Variants in TRIM24 observed in about 807,000 individuals in gnomAD.
The protein encoded by TRIM24 is transcription intermediary factor 1-alpha.
TRIM24 carries 29 observed loss-of-function variants against 123.9 expected under a neutral mutation model. The ratio of observed to expected loss-of-function variants is 0.23; its 90% CI spans 0.17 to 0.32. TRIM24 has a LOEUF of 0.32. TRIM24 is among the 10% of genes least tolerant of loss of function. TRIM24 has a pLI of 1.00. For synonymous variants in TRIM24, 456 were observed against 461.1 expected (o/e 0.99, Z 0.14); for missense variants, 932 against 1,295.3 (o/e 0.72, Z 4.31).
chr7:138,461,280 T>C, intron 1 of TRIM24: 1 of 559,382 alleles, frequency 1.8e-6, no homozygotes, highest in Non-Finnish European at 3.5e-6. Context: ...ACCCGCCCGC[T>C]GCCTCCACAA....
At chr7:138,487,539 G>T (rs1039480551) in intron 1 of TRIM24, among the ~76,000 whole-genome samples, 3 of 152,108 alleles carry the variant, frequency 2.0e-5, no homozygotes, top group Non-Finnish European at 2.9e-5. Context: ...AGTTTATTGA[G>T]AGTTTTTAGC....
chr7:138,564,806 C>T (rs193010508), intron 9 of TRIM24, among the ~76,000 whole-genome samples: 1 of 152,346 alleles, frequency 6.6e-6, no homozygotes, highest in Admixed American at 6.5e-5. Flanking sequence ...GGGTCAACTT[C>T]ATCCCGTAAT....
intron 11 of TRIM24, among the ~76,000 whole-genome samples, chr7:138,571,375 A>T (rs1367784838): frequency 6.6e-6 from 1 of 152,216 alleles, no homozygotes; most frequent in African/African-American, 2.4e-5. Flanking sequence ...TTGTTTTTAC[A>T]AGTTAATTTT....
intron 1 of TRIM24, among the ~76,000 whole-genome samples, chr7:138,462,586 C>G (rs556882378): frequency 6.1e-4 from 93 of 151,934 alleles, no homozygotes; most frequent in African/African-American, 2.1e-3. Context: ...GTGATCCGCC[C>G]GCCTCGGCCT....
chr7:138,516,129 C>A (rs1563042092), intron 3 of TRIM24, among the ~76,000 whole-genome samples: 1 of 152,112 alleles, frequency 6.6e-6, no homozygotes, highest in Non-Finnish European at 1.5e-5. Flanking sequence ...GAAACCCCGT[C>A]TGTACTAAAA....
chr7:138,485,916 C>T (rs1208211656), intron 1 of TRIM24, among the ~76,000 whole-genome samples: 4 of 152,216 alleles, frequency 2.6e-5, no homozygotes, highest in Admixed American at 2.0e-4. Flanking sequence ...AATCGCCACA[C>T]TGTCTTCCAC....
At position 138,576,438 on chromosome 7, in the gene TRIM24, C is replaced by T; in HGVS notation, c.2080C>T (p.Arg694Ter). ...RSPSASSVGS[R>*]GSSGSSSKPA... ...ACCTAGTGCCTCCAGCGTTGGAAGC[C>T]GAGGAAGGTAAACTGACTAAACCAT... The change falls in exon 13 of 19, where the codon CGA becomes TGA. Residue 694 changes from arginine to a stop codon, truncating the protein, a stop_gained. Transcript: ENST00000343526. LOFTEE classifies it high-confidence loss of function. The T allele has an allele frequency of 6.2e-7, 1 of 1,613,406 alleles. No individual in the cohort carries two copies. Among genetic ancestry groups the T allele is most frequent in the Non-Finnish European group, 8.5e-7 (1 of 1,179,538 alleles).
intron 2 of TRIM24, 38 bp downstream of exon 2, chr7:138,504,446 T>TA: frequency 5.9e-5 from 15 of 254,872 alleles, no homozygotes; most frequent in Admixed American, 1.0e-4. Flanking sequence ...GCCTGCCAGC[T>TA]CTTTTTTTTT....
At chr7:138,518,202 T>C (rs909360252) in intron 3 of TRIM24, among the ~76,000 whole-genome samples, 8 of 152,320 alleles carry the variant, frequency 5.3e-5, no homozygotes, top group African/African-American at 1.7e-4. Context: ...CAGAAAGTCA[T>C]CTAAGGTAGA....
chr7:138,536,336 T>A (rs976205338), intron 6 of TRIM24, among the ~76,000 whole-genome samples: 5 of 152,200 alleles, frequency 3.3e-5, no homozygotes, highest in Admixed American at 3.3e-4. Flanking sequence ...TTTTTCCCCA[T>A]CTTTGTGGTT....
intron 1 of TRIM24, among the ~76,000 whole-genome samples, chr7:138,482,369 C>T (rs1306791878): frequency 6.6e-6 from 1 of 152,058 alleles, no homozygotes; most frequent in African/African-American, 2.4e-5. Flanking sequence ...CATAAGAATC[C>T]ACCTGTCAGG....
At chr7:138,575,613 T>A (rs550778600) in intron 12 of TRIM24, among the ~76,000 whole-genome samples, 8 of 152,252 alleles carry the variant, frequency 5.3e-5, no homozygotes, top group African/African-American at 1.9e-4. Context: ...AGAACTTCTG[T>A]CAATTCGGAA....
chr7:138,461,837 G>A (rs1256930840), intron 1 of TRIM24, among the ~76,000 whole-genome samples: 5 of 152,258 alleles, frequency 3.3e-5, no homozygotes, highest in African/African-American at 1.2e-4. Flanking sequence ...ACTTTTTAGA[G>A]GAAATAGTTG....
Position 138,508,692 on chromosome 7 carries a change from T to TGTGCGCGCGCGC in TRIM24, c.483+4285_483+4286insTGCGCGCGCGCG, listed in dbSNP as rs1422176564. Reference sequence around the variant, plus strand: ...GTGTGTGTGTGTGTGTGTGTGTGTGTGCGCGCGCGTGTGTGCGTGTGTGTG... The same window carrying TGTGCGCGCGCGC: ...GTGTGTGTGTGTGTGTGTGTGTGTGTGTGCGCGCGCGCGCGCGCGCGTGTGTGCGTGTGTGTG... On this transcript the variant is annotated intron_variant, in intron 2 of 18. Coordinates refer to ENST00000343526, the MANE Select transcript of TRIM24 (RefSeq NM_015905.3). Among the ~76,000 whole-genome samples the TGTGCGCGCGCGC allele has an allele frequency of 6.6e-3, 903 of 137,260 alleles. 15 individuals carry two copies. Among genetic ancestry groups the TGTGCGCGCGCGC allele is most frequent in the Middle Eastern group, 0.023 (6 of 266 alleles). The allele number at this position is 137,260 out of a possible 152,430, so 90.0% of individuals were successfully genotyped here.
chr7:138,493,473 A>G (rs1366137532), intron 1 of TRIM24, among the ~76,000 whole-genome samples: 1 of 152,158 alleles, frequency 6.6e-6, no homozygotes, highest in Non-Finnish European at 1.5e-5. Context: ...GTTCCTTGTT[A>G]TGTATGTTAC....
intron 1 of TRIM24, among the ~76,000 whole-genome samples, chr7:138,474,538 T>C (rs1795356004): frequency 6.6e-6 from 1 of 152,246 alleles, no homozygotes; most frequent in Admixed American, 6.5e-5. Flanking sequence ...GAAATCTTTG[T>C]CTAACACAGG....
Position 138,542,273 on chromosome 7 carries a change from T to C in TRIM24, c.1143+3470T>C, listed in dbSNP as rs546275556. Reference sequence around the variant, plus strand: ...AGTAAGCTTACTCATTTCTAACTTTTGATTAGTGAGAGTCATGCAACTCTT... The same window carrying C: ...AGTAAGCTTACTCATTTCTAACTTTCGATTAGTGAGAGTCATGCAACTCTT... On this transcript the variant is annotated intron_variant, in intron 7 of 18. Coordinates refer to ENST00000343526, the MANE Select transcript of TRIM24 (RefSeq NM_015905.3). Among the ~76,000 whole-genome samples, 257 of 152,338 alleles carry C rather than the reference T, an allele frequency of 1.7e-3. 1 individual carries two copies. The highest frequency in any genetic ancestry group is 3.1e-3 in the South Asian group (15 of 4,832).
intron 2 of TRIM24, among the ~76,000 whole-genome samples, chr7:138,508,531 A>G (rs986944595): frequency 6.6e-6 from 1 of 152,134 alleles, no homozygotes; most frequent in Non-Finnish European, 1.5e-5. Flanking sequence ...TCCTTCATCA[A>G]TTCTTTGATT....
intron 1 of TRIM24, among the ~76,000 whole-genome samples, chr7:138,474,797 C>CT (rs1795360292): frequency 6.6e-6 from 1 of 152,102 alleles, no homozygotes; most frequent in Admixed American, 6.5e-5. Flanking sequence ...TTCCATTGGT[C>CT]TTTTTGTTTA....
Sources: allele counts gnomAD v4.1 joint callset (sites outside exome capture counted in the v4.1 genomes callset), GRCh38; gene constraint gnomAD v4.1.1; transcripts MANE v1.5; gene names NCBI Gene and HGNC (gene_info 2026-07-23, HGNC 2026-07-21).